PDGFD: variants seen among roughly 807,000 people sequenced by gnomAD.
PDGFD encodes platelet derived growth factor D.
Under a neutral mutation model 44.7 loss-of-function variants are expected in PDGFD, and 30 were observed. That is an observed-to-expected ratio of 0.67 (90% CI 0.50 to 0.91). The LOEUF (loss-of-function observed/expected upper bound fraction) is 0.91, where lower values mean the gene tolerates loss of function less well. Among genes scored for constraint, PDGFD ranks in the 40% least tolerant of loss-of-function variants. The probability of loss-of-function intolerance (pLI) is 0.00; values close to 1 mark genes in which losing one functional copy is unlikely to be tolerated. For missense variants in PDGFD, 445 were observed against 457.8 expected, an observed-to-expected ratio of 0.97 and a Z score of 0.25; for synonymous variants, 173 against 168.4, an observed-to-expected ratio of 1.03 and a Z score of -0.21.
intron 1 of PDGFD, 128 bp downstream of exon 1, chr11:104,163,676 C>A: frequency 8.5e-7 from 1 of 1,170,708 alleles, no homozygotes; most frequent in Admixed American, 2.8e-5. Context: ...AGACCTCCCT[C>A]CCCAAACAAT....
At chr11:104,147,341 G>A (rs561441058) in intron 1 of PDGFD, among the ~76,000 whole-genome samples, 76 of 152,246 alleles carry the variant, frequency 5.0e-4, no homozygotes, top group African/African-American at 1.6e-3. Context: ...AGCCTGTCAT[G>A]GGAACACAAT....
intron 3 of PDGFD, among the ~76,000 whole-genome samples, chr11:103,990,681 A>G (rs1859436474): frequency 6.6e-6 from 1 of 152,158 alleles, no homozygotes; most frequent in Non-Finnish European, 1.5e-5. Context: ...TATTTGAGGG[A>G]AAGAAACTGA....
intron 1 of PDGFD, among the ~76,000 whole-genome samples, chr11:104,061,382 C>G (rs765139754): frequency 6.6e-6 from 1 of 152,032 alleles, no homozygotes; most frequent in Non-Finnish European, 1.5e-5. Flanking sequence ...TTTTGCAACC[C>G]ATATAACCAA....
intron 1 of PDGFD, chr11:104,036,741 G>T (rs987030327): frequency 9.3e-7 from 1 of 1,081,052 alleles, no homozygotes; most frequent in Non-Finnish European, 1.4e-6. Flanking sequence ...GAGGAGCAGC[G>T]GCACCAACGA....
intron 1 of PDGFD, among the ~76,000 whole-genome samples, chr11:104,042,459 G>A (rs978438117): frequency 6.6e-6 from 1 of 152,176 alleles, no homozygotes; most frequent in Non-Finnish European, 1.5e-5. Flanking sequence ...TGTACCTGGA[G>A]TGGCTTTGTC....
intron 1 of PDGFD, among the ~76,000 whole-genome samples, chr11:104,133,312 A>C (rs1365333330): frequency 1.3e-5 from 2 of 152,184 alleles, no homozygotes; most frequent in Admixed American, 6.5e-5. Context: ...AACAATTTTC[A>C]TCAAGAAGAG....
At chr11:104,119,548 A>ATAATG (rs1413977989) in intron 1 of PDGFD, among the ~76,000 whole-genome samples, 3 of 89,170 alleles carry the variant, frequency 3.4e-5, no homozygotes, top group African/African-American at 4.7e-5. Context: ...ATAATATAAT[A>ATAATG]TATTGATATA....
intron 3 of PDGFD, among the ~76,000 whole-genome samples, chr11:103,952,573 A>C (rs1262602579): frequency 6.6e-6 from 1 of 152,200 alleles, no homozygotes; most frequent in Non-Finnish European, 1.5e-5. Context: ...GATATGAGCA[A>C]ACTGAAGTTC....
intron 1 of PDGFD, among the ~76,000 whole-genome samples, chr11:104,157,185 G>C (rs1862319201): frequency 6.6e-6 from 1 of 152,158 alleles, no homozygotes; most frequent in Admixed American, 6.5e-5. Context: ...CAGGGCGAGG[G>C]GGGTACCTCA....
Position 104,162,461 on chromosome 11 carries a change from A to AAAAT in PDGFD, c.124+1339_124+1342dup, listed in dbSNP as rs552284533. Among the ~76,000 whole-genome samples, 270 of 152,272 alleles carry AAAAT rather than the reference A, an allele frequency of 1.8e-3. 2 individuals are homozygous for AAAAT. The highest frequency in any genetic ancestry group is 6.1e-3 in the African/African-American group (255 of 41,536). ...GGGCCTAATCCTTAAGTGTAGTAAAAAAATAAATAAATAAATAAATTACGT... is the reference window on the plus strand; with the variant it reads ...GGGCCTAATCCTTAAGTGTAGTAAAAAAATAAATAAATAAATAAATAAATTACGT... On this transcript the variant is annotated intron_variant, in intron 1 of 6. Coordinates refer to ENST00000393158, the MANE Select transcript of PDGFD (RefSeq NM_025208.5).
At chr11:103,977,203 C>T (rs1859197399) in intron 3 of PDGFD, among the ~76,000 whole-genome samples, 1 of 151,954 alleles carries the variant, frequency 6.6e-6, no homozygotes, top group African/African-American at 2.4e-5. Flanking sequence ...TAATTAATAG[C>T]CTACCAACCA....
chr11:103,993,372 C>T (rs1046473568), intron 3 of PDGFD, among the ~76,000 whole-genome samples: 13 of 151,554 alleles, frequency 8.6e-5, no homozygotes, highest in Non-Finnish European at 1.5e-4. Context: ...CCACCACACT[C>T]GGCCACGAAC....
chr11:103,982,740 G>T (rs1414931682), intron 3 of PDGFD, among the ~76,000 whole-genome samples: 1 of 151,692 alleles, frequency 6.6e-6, no homozygotes, highest in Non-Finnish European at 1.5e-5. Context: ...AAATCAATGT[G>T]CAAAAATCAC....
intron 3 of PDGFD, among the ~76,000 whole-genome samples, chr11:103,975,023 C>G (rs972657611): frequency 7.9e-5 from 12 of 152,030 alleles, no homozygotes; most frequent in Non-Finnish European, 1.5e-4. Context: ...TAATGGGATT[C>G]CTAGGTCAAG....
intron 3 of PDGFD, 104 bp downstream of exon 3, chr11:103,995,961 T>A: frequency 1.0e-6 from 1 of 985,140 alleles, no homozygotes; most frequent in South Asian, 1.6e-5. Flanking sequence ...TATAAGGAAC[T>A]AATAAAGTTC....
intron 3 of PDGFD, among the ~76,000 whole-genome samples, chr11:103,993,627 A>C (rs1349387223): frequency 1.3e-5 from 2 of 152,116 alleles, no homozygotes; most frequent in Admixed American, 6.6e-5. Context: ...GTAAAATTTA[A>C]ACATGAATAA....
At chr11:104,043,885 G>A (rs114143224) in intron 1 of PDGFD, among the ~76,000 whole-genome samples, 2,871 of 152,230 alleles carry the variant, frequency 0.019, 107 homozygotes, top group African/African-American at 0.065. Flanking sequence ...CTCCCACTAG[G>A]CCCCATCTCC....
intron 1 of PDGFD, among the ~76,000 whole-genome samples, chr11:104,034,580 T>C (rs1253721067): frequency 6.6e-6 from 1 of 151,874 alleles, no homozygotes; most frequent in Non-Finnish European, 1.5e-5. Context: ...ACTATCTTGG[T>C]TCATAAGTAG....
intron 1 of PDGFD, among the ~76,000 whole-genome samples, chr11:104,160,263 A>G (rs951976429): frequency 1.3e-5 from 2 of 152,188 alleles, no homozygotes; most frequent in African/African-American, 4.8e-5. Flanking sequence ...ATACTAACCA[A>G]AGAGAACTAA....
Sources: allele counts gnomAD v4.1 joint callset (sites outside exome capture counted in the v4.1 genomes callset), GRCh38; gene constraint gnomAD v4.1.1; transcripts MANE v1.5; gene names NCBI Gene and HGNC (gene_info 2026-07-23, HGNC 2026-07-21).